PDE11A: variants seen among roughly 807,000 people sequenced by gnomAD.
PDE11A encodes the protein phosphodiesterase 11A.
In PDE11A, 100 loss-of-function variants were observed where a neutral mutation model predicts 100.5. That is an observed-to-expected ratio of 1.00 (90% CI 0.85 to 1.18). The LOEUF is 1.18. PDE11A is among the 50% of genes most tolerant of loss of function. PDE11A has a pLI of 0.00. For synonymous variants in PDE11A, 381 were observed against 420.8 expected, an observed-to-expected ratio of 0.91 and a Z score of 1.16; for missense variants, 1,141 against 1,152.6, an observed-to-expected ratio of 0.99 and a Z score of 0.15.
At chr2:177,745,327 CA>C (rs2081934038) in intron 10 of PDE11A, among the ~76,000 whole-genome samples, 1 of 152,186 alleles carries the variant, frequency 6.6e-6, no homozygotes, top group Non-Finnish European at 1.5e-5. Context: ...GTTCCAAACA[CA>C]TCTAAAATGG....
At chr2:177,643,787 A>C (rs2080180805) in intron 19 of PDE11A, among the ~76,000 whole-genome samples, 1 of 152,160 alleles carries the variant, frequency 6.6e-6, no homozygotes, top group Non-Finnish European at 1.5e-5. Context: ...GGCCAAGCCC[A>C]GTGTCCCCCT....
chr2:177,727,816 G>T, intron 11 of PDE11A, 51 bp from the exon 12 acceptor site: 1 of 1,126,436 alleles, frequency 8.9e-7, no homozygotes, highest in Non-Finnish European at 1.4e-6. Context: ...GATTCTAGTG[G>T]ACCCTTATCT....
At position 177,815,230 on chromosome 2, in the gene PDE11A, A is replaced by G. The variant is rs534321711; in HGVS notation, c.1737+1599T>C. On this transcript the variant is annotated intron_variant, in intron 9 of 19. Coordinates refer to ENST00000286063, the MANE Select transcript of PDE11A (RefSeq NM_016953.4). ...CCCCAATCCATGGTGATTTCTCAGT[A>G]ATAAATATACTACCACAAATAATAA... 7.2e-5 allele frequency among the ~76,000 whole-genome samples: 11 copies of G among 152,124 alleles called. No homozygotes were observed. In the South Asian group the frequency reaches 2.3e-3, roughly 32 times the overall value.
intron 2 of PDE11A, among the ~76,000 whole-genome samples, chr2:177,957,072 G>T (rs2085574233): frequency 6.6e-6 from 1 of 150,804 alleles, no homozygotes; most frequent in African/African-American, 2.4e-5. Flanking sequence ...TAAAAAAAAA[G>T]AAAAGAGCAA....
upstream of PDE11A, among the ~76,000 whole-genome samples, chr2:178,074,787 A>G (rs972448467): frequency 2.6e-5 from 4 of 152,198 alleles, no homozygotes; most frequent in Non-Finnish European, 5.9e-5. Context: ...ACTGAATGCA[A>G]CATTTCGAGC....
chr2:177,833,873 C>A (rs1248688316), intron 6 of PDE11A, among the ~76,000 whole-genome samples: 1 of 152,200 alleles, frequency 6.6e-6, no homozygotes, highest in African/African-American at 2.4e-5. Context: ...AAGTGTTACA[C>A]CAGATGTTTT....
At chr2:178,104,603 C>T in intron 1 of PDE11A, 2 of 739,162 alleles carry the variant, frequency 2.7e-6, no homozygotes, top group Non-Finnish European at 4.5e-6. Flanking sequence ...AAAACATATC[C>T]TTTAAAGCAT....
chr2:177,874,417 T>A (rs933852964), intron 5 of PDE11A, among the ~76,000 whole-genome samples: 2 of 152,224 alleles, frequency 1.3e-5, no homozygotes, highest in Non-Finnish European at 2.9e-5. Flanking sequence ...CTGCCCTGAG[T>A]GCTTTACGAT....
intron 1 of PDE11A, among the ~76,000 whole-genome samples, chr2:178,017,547 G>C (rs982202534): frequency 6.6e-6 from 1 of 152,126 alleles, no homozygotes; most frequent in Non-Finnish European, 1.5e-5. Context: ...AGCATGTAAG[G>C]GAATAATAAA....
chr2:177,910,278 CAGG>C (rs1425156717), intron 2 of PDE11A, among the ~76,000 whole-genome samples: 1 of 152,024 alleles, frequency 6.6e-6, no homozygotes, highest in African/African-American at 2.4e-5. Flanking sequence ...AAGAAATGTG[CAGG>C]AGAAGCAGGC....
chr2:177,829,122 T>C (rs180694054), intron 6 of PDE11A, among the ~76,000 whole-genome samples: 4 of 152,174 alleles, frequency 2.6e-5, no homozygotes, highest in Non-Finnish European at 5.9e-5. Context: ...ATGCCTATAC[T>C]TTTTTTGACA....
At chr2:177,899,156 C>T (rs138669201) in intron 3 of PDE11A, among the ~76,000 whole-genome samples, 10 of 152,098 alleles carry the variant, frequency 6.6e-5, no homozygotes, top group African/African-American at 2.4e-4. Context: ...GCCTATAATC[C>T]CAGCACTTTG....
chr2:177,810,055 A>G (rs944876610), intron 9 of PDE11A, among the ~76,000 whole-genome samples: 1 of 151,598 alleles, frequency 6.6e-6, no homozygotes, highest in African/African-American at 2.4e-5. Context: ...GTATCTAGGA[A>G]GAGGTCTACC....
chr2:177,962,898 G>T (rs1441155288), intron 2 of PDE11A, among the ~76,000 whole-genome samples: 2 of 152,198 alleles, frequency 1.3e-5, no homozygotes, highest in African/African-American at 2.4e-5. Context: ...CTGGAGGTTT[G>T]GTTAATACTG....
chr2:177,884,477 C>G (rs944111894), intron 4 of PDE11A, among the ~76,000 whole-genome samples: 1 of 152,150 alleles, frequency 6.6e-6, no homozygotes, highest in African/African-American at 2.4e-5. Context: ...ACTATTTGCA[C>G]AAAGATATGC....
intron 5 of PDE11A, among the ~76,000 whole-genome samples, chr2:177,875,381 T>A (rs1574241202): frequency 1.3e-5 from 2 of 151,808 alleles, no homozygotes; most frequent in South Asian, 2.1e-4. Context: ...TTATTTATTT[T>A]TATTTTATTT....
chr2:178,022,039 G>A (rs2086419745), intron 1 of PDE11A, among the ~76,000 whole-genome samples: 2 of 152,134 alleles, frequency 1.3e-5, no homozygotes, highest in African/African-American at 4.8e-5. Flanking sequence ...GTTTTAAGAA[G>A]GTGAGTGGGA....
intron 2 of PDE11A, among the ~76,000 whole-genome samples, chr2:177,966,292 T>A (rs896275088): frequency 3.9e-5 from 6 of 152,158 alleles, no homozygotes; most frequent in Admixed American, 2.6e-4. Context: ...TAAAATCATA[T>A]CATCTGGGAA....
chr2:177,728,983 T>C (rs1383774380), intron 10 of PDE11A, among the ~76,000 whole-genome samples: 4 of 152,188 alleles, frequency 2.6e-5, no homozygotes, highest in African/African-American at 9.6e-5. Flanking sequence ...TTTGGATCAC[T>C]CTTGGTAAGG....
Sources: allele counts gnomAD v4.1 joint callset (sites outside exome capture counted in the v4.1 genomes callset), GRCh38; gene constraint gnomAD v4.1.1; transcripts MANE v1.5; gene names NCBI Gene and HGNC (gene_info 2026-07-23, HGNC 2026-07-21).